SCYL2: variants seen among roughly 807,000 people sequenced by gnomAD.
SCYL2 encodes SCY1 like pseudokinase 2, also known as SCY1-like protein 2.
In SCYL2, 36 loss-of-function variants were observed where a neutral mutation model predicts 100.4. The ratio of observed to expected loss-of-function variants is 0.36; its 90% CI spans 0.27 to 0.47. The LOEUF (loss-of-function observed/expected upper bound fraction) is 0.47, where lower values mean the gene tolerates loss of function less well. Among genes scored for constraint, SCYL2 ranks in the 20% least tolerant of loss-of-function variants. SCYL2 has a pLI of 1.00. For synonymous variants in SCYL2, 330 were observed against 359.2 expected, an observed-to-expected ratio of 0.92 and a Z score of 0.92; for missense variants, 902 against 1,083.9, an observed-to-expected ratio of 0.83 and a Z score of 2.36.
At chr12:100,327,175 A>G in intron 12 of SCYL2, 2 of 404,480 alleles carry the variant, frequency 4.9e-6, no homozygotes, top group Non-Finnish European at 1.0e-5. Flanking sequence ...TATTGTTTCT[A>G]TTTTATAAGG....
rs2096323130 is a variant in SCYL2 at position 100,298,114 on chromosome 12, T to C, written c.419T>C (p.Ile140Thr). The change falls in exon 4 of 18, where the codon ATA becomes ACA. Residue 140 changes from isoleucine to threonine, a missense_variant. By Grantham distance (89) the Ile-to-Thr change is moderately conservative (BLOSUM62 -1). Transcript: ENST00000360820. ...AACTGGGAAAATCTACCTTCCCCTATATCTCCAGACATTAAGGATTATAAA... is the reference window on the plus strand; with the variant it reads ...AACTGGGAAAATCTACCTTCCCCTACATCTCCAGACATTAAGGATTATAAA... Reference protein sequence around the residue: ...LGNWENLPSPISPDIKDYKLY... With the variant: ...LGNWENLPSPTSPDIKDYKLY... 1 of 1,607,384 alleles carries C rather than the reference T, an allele frequency of 6.2e-7. No homozygotes were observed. The highest frequency in any genetic ancestry group is 2.2e-5 in the East Asian group (1 of 44,618).
chr12:100,329,385 A>G, intron 13 of SCYL2, 66 bp downstream of exon 13: 1 of 721,776 alleles, frequency 1.4e-6, no homozygotes, highest in African/African-American at 1.8e-5. Context: ...TAGATATATA[A>G]ATATATTACA....
In SCYL2 at chr12:100,339,500, T is replaced by A. The variant is rs1952326727; in HGVS notation, c.*328T>A. ...AAATGTTTATTTTGGCTTGTGGATCTTGGTGTTATTTAAAAAATTGAGGTG... is the reference window on the plus strand; with the variant it reads ...AAATGTTTATTTTGGCTTGTGGATCATGGTGTTATTTAAAAAATTGAGGTG... On this transcript the variant is annotated 3_prime_UTR_variant, in exon 18 of 18. Coordinates refer to ENST00000360820, the MANE Select transcript of SCYL2 (RefSeq NM_017988.6). 2 of 272,740 alleles carry A rather than the reference T, an allele frequency of 7.3e-6. No homozygotes were observed. The highest frequency in any genetic ancestry group is 1.0e-4 in the South Asian group (2 of 19,294). The allele number at this position is 272,740 out of a possible 1,614,324, so 16.9% of individuals were successfully genotyped here.
chr12:100,312,663 T>C lies in SCYL2; in HGVS notation c.852+10T>C. On this transcript the variant is annotated intron_variant, in intron 6 of 17. Transcript: ENST00000360820. ...TAGGCAGTTGGATCAGGTATTTGCC[T>C]ATAAATAATTTGCTTGCATTAAAAA... 1 of 1,579,418 alleles carries C rather than the reference T, an allele frequency of 6.3e-7. No homozygotes were observed. Among genetic ancestry groups the C allele is most frequent in the Non-Finnish European group, 8.6e-7 (1 of 1,161,878 alleles).
chr12:100,314,661 A>T, intron 8 of SCYL2, 47 bp downstream of exon 8: 1 of 1,518,066 alleles, frequency 6.6e-7, no homozygotes, highest in Non-Finnish European at 8.9e-7. Flanking sequence ...TTTAGAAGTT[A>T]AAGTTTATTT....
intron 6 of SCYL2, among the ~76,000 whole-genome samples, 180 bp downstream of exon 6, chr12:100,312,833 C>T (rs1248262143): frequency 2.0e-5 from 3 of 152,110 alleles, no homozygotes; most frequent in Admixed American, 2.0e-4. Flanking sequence ...GTAACGCAGA[C>T]TAGGCCAGGT....
At chr12:100,287,183 T>A (rs2096305296) in intron 2 of SCYL2, among the ~76,000 whole-genome samples, 1 of 152,232 alleles carries the variant, frequency 6.6e-6, no homozygotes, top group Admixed American at 6.5e-5. Context: ...GACACATTAC[T>A]ATAAATCATG....
rs747126335 is a variant in SCYL2, at chr12:100,312,441, C to T, written c.640C>T (p.Pro214Ser). The stretch of plus-strand genomic sequence containing the variant: ...CCTTTTCTTACTACAGCCTAAATTT[C>T]CTTGTAAAGAATGGGACCCAAATTT... ...TNPSEQEPKF[P>S]CKEWDPNLPS... The change falls in exon 6 of 18, where the codon CCT becomes TCT. Residue 214 changes from proline (P) to serine (S), a missense_variant. Coordinates refer to ENST00000360820, the MANE Select transcript of SCYL2 (RefSeq NM_017988.6). The T allele has an allele frequency of 3.1e-6, 5 of 1,611,146 alleles. No individual in the cohort carries two copies. The highest frequency in any genetic ancestry group is 3.3e-5 in the Admixed American group (2 of 59,976).
At chr12:100,269,033 A>G (rs1401744904) in intron 1 of SCYL2, among the ~76,000 whole-genome samples, 2 of 152,102 alleles carry the variant, frequency 1.3e-5, no homozygotes, top group Non-Finnish European at 2.9e-5. Flanking sequence ...GCTTGCATCT[A>G]CTGTGGTCTC....
intron 4 of SCYL2, among the ~76,000 whole-genome samples, chr12:100,303,296 A>G (rs1166184551): frequency 1.3e-5 from 2 of 152,032 alleles, no homozygotes; most frequent in Non-Finnish European, 2.9e-5. Context: ...CTCACTGGTG[A>G]GGAGTTGTGA....
intron 2 of SCYL2, among the ~76,000 whole-genome samples, chr12:100,288,337 G>C (rs911125462): frequency 1.3e-5 from 2 of 151,592 alleles, no homozygotes; most frequent in African/African-American, 2.4e-5. Flanking sequence ...TTTAAGAGAT[G>C]GGGCCTTACT....
At chr12:100,316,184 C>T (rs1193917264) in intron 9 of SCYL2, among the ~76,000 whole-genome samples, 1 of 152,118 alleles carries the variant, frequency 6.6e-6, no homozygotes, top group Non-Finnish European at 1.5e-5. Context: ...ACTACTTCCA[C>T]TAGAATAGGA....
chr12:100,304,117 C>G (rs984488426), intron 4 of SCYL2, among the ~76,000 whole-genome samples: 3 of 152,118 alleles, frequency 2.0e-5, no homozygotes, highest in African/African-American at 7.2e-5. Context: ...TCACTGAGCT[C>G]GAGTGTCCCA....
intron 10 of SCYL2, among the ~76,000 whole-genome samples, 171 bp from the exon 11 acceptor site, chr12:100,323,354 A>T (rs2096358288): frequency 6.6e-6 from 1 of 152,192 alleles, no homozygotes; most frequent in African/African-American, 2.4e-5. Context: ...AAGACTGAAA[A>T]GTGATTATAA....
chr12:100,272,100 A>G (rs2096288283), intron 1 of SCYL2, among the ~76,000 whole-genome samples: 2 of 152,160 alleles, frequency 1.3e-5, no homozygotes, highest in African/African-American at 2.4e-5. Context: ...AGAGAGATAC[A>G]CAGTCTTGGA....
chr12:100,294,408 C>A (rs1435866076), intron 3 of SCYL2, among the ~76,000 whole-genome samples: 2 of 103,502 alleles, frequency 1.9e-5, no homozygotes, highest in Non-Finnish European at 4.1e-5. Flanking sequence ...CCCTCCCGGA[C>A]GGGGCGGCTG....
chr12:100,316,736 T>G (rs1317495176), intron 9 of SCYL2, among the ~76,000 whole-genome samples: 2 of 152,202 alleles, frequency 1.3e-5, no homozygotes, highest in Admixed American at 6.5e-5. Context: ...TCAGTCAAGA[T>G]AGTACCCTAA....
intron 12 of SCYL2, among the ~76,000 whole-genome samples, chr12:100,328,521 A>C (rs1952166816): frequency 6.6e-6 from 1 of 152,214 alleles, no homozygotes; most frequent in Non-Finnish European, 1.5e-5. Flanking sequence ...TATATAAGTC[A>C]TGTGCACATT....
chr12:100,330,693 C>T (rs1003646247), intron 13 of SCYL2, among the ~76,000 whole-genome samples: 5 of 152,000 alleles, frequency 3.3e-5, no homozygotes, highest in African/African-American at 7.2e-5. Flanking sequence ...AAGTTGAGAG[C>T]GTTTGGCATT....
Sources: allele counts gnomAD v4.1 joint callset (sites outside exome capture counted in the v4.1 genomes callset), GRCh38; gene constraint gnomAD v4.1.1; transcripts MANE v1.5; gene names NCBI Gene and HGNC (gene_info 2026-07-23, HGNC 2026-07-21).